The following PARD3B variants were observed in gnomAD, a reference collection of about 807,000 sequenced individuals.
PARD3B encodes the protein par-3 family cell polarity regulator beta.
Under a neutral mutation model 130.2 loss-of-function variants are expected in PARD3B, and 103 were observed. The observed-to-expected ratio is 0.79, with a 90% confidence interval of 0.67 to 0.93. The LOEUF (loss-of-function observed/expected upper bound fraction) is 0.93. Ranked by LOEUF, PARD3B falls within the 40% of genes least tolerant of loss-of-function variation. The pLI, the probability that PARD3B is intolerant of heterozygous loss-of-function variation, is 0.00. For synonymous variants in PARD3B, 583 were observed against 553.2 expected (o/e 1.05, Z -0.76); for missense variants, 1,609 against 1,499.2 (o/e 1.07, Z -1.21).
At chr2:204,615,633 T>C (rs915802584) in intron 1 of PARD3B, among the ~76,000 whole-genome samples, 10 of 152,298 alleles carry the variant, frequency 6.6e-5, no homozygotes, top group Admixed American at 3.9e-4. Flanking sequence ...TCAGTTGTTA[T>C]CCTTGAAGCG....
At chr2:205,191,294 T>G (rs971852575) in intron 14 of PARD3B, among the ~76,000 whole-genome samples, 1 of 152,118 alleles carries the variant, frequency 6.6e-6, no homozygotes, top group African/African-American at 2.4e-5. Context: ...TAACGTAACT[T>G]ACGTATCTTA....
In PARD3B at chr2:205,301,972, C is replaced by T. The variant is rs2042018634; in HGVS notation, c.2630+271C>T. The T allele has an allele frequency of 1.5e-6, 1 of 688,870 alleles. No individual in the cohort carries two copies. The highest frequency in any genetic ancestry group is 2.0e-5 in the Admixed American group (1 of 49,360). The allele number at this position is 688,870 out of a possible 1,614,324, so 42.7% of individuals were successfully genotyped here. On this transcript the variant is annotated intron_variant, in intron 18 of 22. Transcript: ENST00000406610. This position sits in a 1 kb window ranked among gnomAD's most constrained non-coding sequence, Gnocchi z 5.2. The stretch of plus-strand genomic sequence containing the variant: ...GTGGCTCATGCCTGTAATCTCAGTA[C>T]TTTGGGAGGCTGGGAGGATTGCTTG...
chr2:205,363,968 C>T (rs2044500229), intron 18 of PARD3B, among the ~76,000 whole-genome samples: 1 of 149,708 alleles, frequency 6.7e-6, no homozygotes, highest in African/African-American at 2.5e-5. Context: ...CACCCAGTCT[C>T]TGGAGCCTCT....
chr2:204,951,159 C>T (rs541854294), intron 2 of PARD3B, among the ~76,000 whole-genome samples: 14 of 152,250 alleles, frequency 9.2e-5, no homozygotes, highest in Admixed American at 3.9e-4. Flanking sequence ...TATAAGAGGC[C>T]CATGCTTGGT....
chr2:204,809,523 T>G (rs985210357), intron 2 of PARD3B, among the ~76,000 whole-genome samples: 2 of 151,876 alleles, frequency 1.3e-5, no homozygotes, highest in Admixed American at 1.3e-4. Context: ...CACCGTTTAT[T>G]GAACATTGTC....
At chr2:204,718,457 G>A (rs139465506) in intron 2 of PARD3B, among the ~76,000 whole-genome samples, 7 of 152,150 alleles carry the variant, frequency 4.6e-5, no homozygotes, top group African/African-American at 1.7e-4. Context: ...GGAAACCACC[G>A]CTTACAAAAC....
intron 1 of PARD3B, among the ~76,000 whole-genome samples, chr2:204,558,801 G>T (rs565295287): frequency 5.3e-5 from 8 of 152,078 alleles, no homozygotes; most frequent in Non-Finnish European, 1.2e-4. Context: ...ATACTACAAG[G>T]CTACAGTAAC....
chr2:204,811,418 A>G (rs778674083), intron 2 of PARD3B, among the ~76,000 whole-genome samples: 1 of 152,116 alleles, frequency 6.6e-6, no homozygotes, highest in Admixed American at 6.6e-5. Context: ...TGAAATGTTT[A>G]TTTCATCTCC....
At chr2:205,017,623 C>A (rs1417559729) in intron 3 of PARD3B, among the ~76,000 whole-genome samples, 2 of 152,280 alleles carry the variant, frequency 1.3e-5, no homozygotes, top group African/African-American at 4.8e-5. Flanking sequence ...TCTGGCTTTG[C>A]TCACTGGTCA....
chr2:204,691,247 A>C (rs2037340010), intron 2 of PARD3B, among the ~76,000 whole-genome samples: 1 of 152,152 alleles, frequency 6.6e-6, no homozygotes, highest in Non-Finnish European at 1.5e-5. Context: ...ACTGCAATAT[A>C]ACATGAAAAC....
intron 15 of PARD3B, among the ~76,000 whole-genome samples, chr2:205,202,811 G>A (rs1369473225): frequency 1.1e-4 from 17 of 152,140 alleles, no homozygotes. Context: ...AGTGTTGGTA[G>A]TATAATTAGA....
chr2:205,021,036 GA>G lies in PARD3B; in HGVS notation c.395-26541del, dbSNP rs1292489987. ...GACCTTGCCTCTGAGCATGTCAGCT[GA>G]AAAGATGGCAGAGTTCAGAGAAAGG... On this transcript the variant is annotated intron_variant, in intron 3 of 22. Coordinates refer to ENST00000406610, the MANE Select transcript of PARD3B (RefSeq NM_001302769.2). The surrounding 1 kb of genome is among the most constrained non-coding windows in gnomAD (Gnocchi z 4.5). Among the ~76,000 whole-genome samples the G allele has an allele frequency of 1.9e-4, 29 of 152,130 alleles. No homozygotes were observed. The highest frequency in any genetic ancestry group is 7.0e-4 in the African/African-American group (29 of 41,430).
chr2:205,050,393 GGT>G (rs374637185), intron 4 of PARD3B, among the ~76,000 whole-genome samples: 2 of 151,242 alleles, frequency 1.3e-5, no homozygotes, highest in African/African-American at 4.9e-5. Flanking sequence ...CTAGAAGGAA[GGT>G]GTGTGTGTGT....
chr2:204,910,458 A>G (rs2047191661), intron 2 of PARD3B, among the ~76,000 whole-genome samples: 1 of 152,198 alleles, frequency 6.6e-6, no homozygotes, highest in Admixed American at 6.5e-5. Context: ...TGTACTTTCA[A>G]GCTAAGGGAA....
intron 2 of PARD3B, among the ~76,000 whole-genome samples, chr2:204,905,796 C>G (rs1310857294): frequency 6.6e-6 from 1 of 152,106 alleles, no homozygotes; most frequent in Non-Finnish European, 1.5e-5. Context: ...AGGAATGAAG[C>G]CAACATACCA....
At chr2:204,772,107 A>G (rs1412376077) in intron 2 of PARD3B, among the ~76,000 whole-genome samples, 4 of 152,084 alleles carry the variant, frequency 2.6e-5, no homozygotes, top group Non-Finnish European at 5.9e-5. Flanking sequence ...GAGATTAGGC[A>G]ATTTCTAAAT....
chr2:204,693,635 T>C (rs904487556), intron 2 of PARD3B, among the ~76,000 whole-genome samples: 91 of 152,058 alleles, frequency 6.0e-4, no homozygotes, highest in African/African-American at 2.0e-3. Flanking sequence ...TATTGTTCCT[T>C]TTAGTGTATA....
intron 18 of PARD3B, among the ~76,000 whole-genome samples, chr2:205,386,034 T>C (rs1473085): frequency 0.78 from 118,893 of 152,152 alleles, 48,428 homozygotes; most frequent in East Asian, 0.96. Context: ...TCTATAAATT[T>C]AAGTTTCATG....
At chr2:205,089,678 A>G (rs1701980334) in intron 4 of PARD3B, among the ~76,000 whole-genome samples, 1 of 152,146 alleles carries the variant, frequency 6.6e-6, no homozygotes, top group Non-Finnish European at 1.5e-5. Context: ...CCAAAATCTC[A>G]TTGATTCTCC....
Sources: gnomAD v4.1 joint callset for allele counts (sites outside exome capture counted in the v4.1 genomes callset) on GRCh38, gnomAD v4.1.1 for gene constraint, Gnocchi (gnomAD v3.1) non-coding constraint, MANE v1.5 for transcripts, NCBI Gene and HGNC (gene_info 2026-07-23, HGNC 2026-07-21) for gene names.